The following HS6ST2 variants were observed in gnomAD, a reference collection of about 807,000 sequenced individuals.
The protein encoded by HS6ST2 is heparan-sulfate 6-O-sulfotransferase 2.
Under a neutral mutation model 33.0 loss-of-function variants are expected in HS6ST2, and 17 were observed. The ratio of observed to expected loss-of-function variants is 0.52; its 90% confidence interval spans 0.35 to 0.77. The LOEUF is 0.77. Ranked by LOEUF, HS6ST2 falls within the 30% of genes least tolerant of loss-of-function variation. HS6ST2 has a pLI of 0.01. For missense variants in HS6ST2, 519 were observed against 551.7 expected (o/e 0.94, Z 0.59); for synonymous variants, 248 against 237.1 (o/e 1.05, Z -0.42).
intron 3 of HS6ST2, among the ~76,000 whole-genome samples, chrX:132,699,269 G>A (rs2064124961): frequency 8.9e-6 from 1 of 111,912 alleles, no homozygotes; most frequent in South Asian, 3.8e-4. Context: ...TCCAAATAGG[G>A]AAATATTCAG....
At chrX:132,902,011 T>C (rs1234869161) in intron 2 of HS6ST2, among the ~76,000 whole-genome samples, 1 of 111,052 alleles carries the variant, frequency 9.0e-6, no homozygotes, top group East Asian at 2.8e-4. Context: ...AAAAGGCCAC[T>C]GGAATTGGTT....
At chrX:132,926,106 A>G (rs1333028600) in intron 2 of HS6ST2, among the ~76,000 whole-genome samples, 1 of 112,779 alleles carries the variant, frequency 8.9e-6, no homozygotes, top group Non-Finnish European at 1.9e-5. Context: ...GATAATTCCC[A>G]CAATATTAAA....
chrX:132,810,272 G>A (rs1197197473), intron 2 of HS6ST2, among the ~76,000 whole-genome samples: 1 of 109,054 alleles, frequency 9.2e-6, no homozygotes, highest in Non-Finnish European at 1.9e-5. Context: ...TAGGCCTGGT[G>A]GTGCATGCCT....
At chrX:132,802,205 C>T (rs766450741) in intron 2 of HS6ST2, among the ~76,000 whole-genome samples, 5 of 112,180 alleles carry the variant, frequency 4.5e-5, no homozygotes, top group Non-Finnish European at 9.4e-5. Flanking sequence ...GCTTAGCTCA[C>T]GGAAGACTAA....
At chrX:132,874,777 T>C (rs143980592) in intron 2 of HS6ST2, among the ~76,000 whole-genome samples, 3 of 111,027 alleles carry the variant, frequency 2.7e-5, no homozygotes, top group Admixed American at 1.9e-4. Flanking sequence ...TATGTGAGAA[T>C]AGAAAACCCA....
intron 2 of HS6ST2, among the ~76,000 whole-genome samples, chrX:132,955,574 G>A (rs998732148): frequency 8.9e-6 from 1 of 112,050 alleles, no homozygotes; most frequent in African/African-American, 3.2e-5. Context: ...GGGGGATGGG[G>A]ATGGGACACA....
chrX:132,918,240 C>T (rs1271110739), intron 2 of HS6ST2, among the ~76,000 whole-genome samples: 2 of 112,418 alleles, frequency 1.8e-5, no homozygotes, highest in Non-Finnish European at 1.9e-5. Context: ...TGGCAATGAA[C>T]ATGTCACTCT....
At chrX:132,856,964 T>C (rs1015442749) in intron 2 of HS6ST2, among the ~76,000 whole-genome samples, 1 of 111,852 alleles carries the variant, frequency 8.9e-6, no homozygotes, top group South Asian at 3.8e-4. Flanking sequence ...GCTATAACTC[T>C]GGGGGATGCT....
Position 132,956,820 on chromosome X carries a change from A to C in HS6ST2, c.935T>G (p.Leu312Arg). Residue 312 changes from leucine to arginine, a missense_variant, in exon 2 of 5, where the codon CTG becomes CGG. Leu to Arg is a moderately radical substitution (Grantham distance 102). Coordinates refer to ENST00000370833, the MANE Select transcript of HS6ST2 (RefSeq NM_001394073.1). ...GGCGCGCACTCACCTGGACGGTCTC[A>C]GCCTGGCGTCGCGCTTGCCGTCCAC... Reference protein sequence around the residue: ...SVVDGKRDARLRPSRWRIFQI... With the variant: ...SVVDGKRDARRRPSRWRIFQI... 8.5e-7 allele frequency: 1 copy of C among 1,172,410 alleles called. No individual in the cohort carries two copies.
intron 2 of HS6ST2, among the ~76,000 whole-genome samples, chrX:132,741,358 G>A (rs1369752429): frequency 9.3e-6 from 1 of 107,251 alleles, no homozygotes; most frequent in East Asian, 2.9e-4. Flanking sequence ...GGAGTACAGT[G>A]GTGTGATCTT....
chrX:132,899,834 CA>C (rs1249811969), intron 2 of HS6ST2, among the ~76,000 whole-genome samples: 4 of 111,063 alleles, frequency 3.6e-5, no homozygotes, highest in Non-Finnish European at 7.6e-5. Flanking sequence ...GAAAGTTGTT[CA>C]AAGGAACAAA....
chrX:132,819,580 A>AC (rs2065432312), intron 2 of HS6ST2, among the ~76,000 whole-genome samples: 1 of 111,582 alleles, frequency 9.0e-6, no homozygotes, highest in African/African-American at 3.3e-5. Context: ...TAGAGATCCA[A>AC]CCTTTCTGAA....
intron 2 of HS6ST2, among the ~76,000 whole-genome samples, chrX:132,741,728 G>A (rs750097446): frequency 2.7e-5 from 3 of 111,283 alleles, no homozygotes; most frequent in South Asian, 7.6e-4. Context: ...ACCTCACTGC[G>A]TATAAGAGAT....
chrX:132,798,236 A>T (rs1423594568), intron 2 of HS6ST2, among the ~76,000 whole-genome samples: 6 of 110,382 alleles, frequency 5.4e-5, no homozygotes. Flanking sequence ...GCATTATCGT[A>T]GAAGTCCAGG....
intron 2 of HS6ST2, among the ~76,000 whole-genome samples, chrX:132,941,162 T>C (rs915226246): frequency 1.8e-5 from 2 of 111,822 alleles, no homozygotes; most frequent in Non-Finnish European, 3.8e-5. Flanking sequence ...CTTTCATACA[T>C]ACGAACACTG....
At chrX:132,779,014 G>A (rs749913144) in intron 2 of HS6ST2, among the ~76,000 whole-genome samples, 1 of 112,297 alleles carries the variant, frequency 8.9e-6, no homozygotes, top group South Asian at 3.7e-4. Flanking sequence ...TGCTGTGTGG[G>A]TGTTTAATTA....
At chrX:132,676,978 A>T (rs2063927465) in intron 3 of HS6ST2, among the ~76,000 whole-genome samples, 1 of 112,379 alleles carries the variant, frequency 8.9e-6, no homozygotes, top group African/African-American at 3.2e-5. Flanking sequence ...TTTCCTGGGG[A>T]AGTGGCAATT....
intron 4 of HS6ST2, among the ~76,000 whole-genome samples, chrX:132,645,562 T>G (rs769672925): frequency 4.1e-4 from 46 of 112,200 alleles, no homozygotes; most frequent in African/African-American, 1.4e-3. Flanking sequence ...CTCCTTCCAT[T>G]TAACATTCAT....
At chrX:132,667,198 C>CT (rs775653146) in intron 4 of HS6ST2, among the ~76,000 whole-genome samples, 2 of 111,708 alleles carry the variant, frequency 1.8e-5, no homozygotes, top group Non-Finnish European at 3.8e-5. Flanking sequence ...TGGGAGAGGA[C>CT]TAAGAGGAGG....
Sources: allele counts gnomAD v4.1 joint callset (sites outside exome capture counted in the v4.1 genomes callset), GRCh38; gene constraint gnomAD v4.1.1; transcripts MANE v1.5; gene names NCBI Gene and HGNC (gene_info 2026-07-23, HGNC 2026-07-21).